ARFGAP3: variants seen among roughly 807,000 people sequenced by gnomAD.
ARFGAP3 encodes ARF GTPase activating protein 3.
A neutral mutation model predicts 75.0 loss-of-function variants in ARFGAP3; 72 were observed. That is an observed-to-expected ratio of 0.96 (90% confidence interval 0.79 to 1.17). The LOEUF is 1.17. ARFGAP3 is among the 50% of genes most tolerant of loss of function. The pLI, the probability that ARFGAP3 is intolerant of heterozygous loss-of-function variation, is 0.00. For missense variants in ARFGAP3, 620 were observed against 626.6 expected, an observed-to-expected ratio of 0.99 and a Z score of 0.11; for synonymous variants, 221 against 217.9, an observed-to-expected ratio of 1.01 and a Z score of -0.13.
Position 42,826,970 on chromosome 22 carries a change from C to CGGAA in ARFGAP3, c.594_595insTTCC (p.Gly199PhefsTer4). The CGGAA allele has an allele frequency of 1.2e-6, 2 of 1,613,528 alleles. No individual in the cohort carries two copies. Among genetic ancestry groups the CGGAA allele is most frequent in the Non-Finnish European group, 1.7e-6 (2 of 1,179,826 alleles). On this transcript the variant is annotated frameshift_variant, in exon 7 of 16. Transcript: ENST00000263245. LOFTEE classifies it high-confidence loss of function. ...GTAGCCTTTGTTGGTACATTAAGAC[C>CGGAA]TTCCACACTTGGTCCTTGCTCTTGT...
chr22:42,824,678 A>C (rs1449247172), intron 7 of ARFGAP3, among the ~76,000 whole-genome samples: 1 of 152,218 alleles, frequency 6.6e-6, no homozygotes, highest in South Asian at 2.1e-4. Flanking sequence ...AAACTTTAAA[A>C]ATCATTATAA....
intron 7 of ARFGAP3, among the ~76,000 whole-genome samples, chr22:42,825,621 G>A (rs1926003998): frequency 6.6e-6 from 1 of 150,992 alleles, no homozygotes; most frequent in Non-Finnish European, 1.5e-5. Flanking sequence ...GGAGGCAGAG[G>A]TTGCAGTGAG....
chr22:42,821,448 T>TTG (rs1347028552), intron 9 of ARFGAP3, among the ~76,000 whole-genome samples: 1 of 152,234 alleles, frequency 6.6e-6, no homozygotes, highest in Non-Finnish European at 1.5e-5. Flanking sequence ...GATTTGCCTA[T>TTG]TCTGGACATT....
chr22:42,849,810 T>C (rs1269942600), intron 1 of ARFGAP3, among the ~76,000 whole-genome samples: 1 of 151,916 alleles, frequency 6.6e-6, no homozygotes, highest in Non-Finnish European at 1.5e-5. Flanking sequence ...ATTTGGGCCC[T>C]CTCGGCCTCC....
chr22:42,806,430 C>T (rs896480911), intron 14 of ARFGAP3, among the ~76,000 whole-genome samples: 7 of 152,238 alleles, frequency 4.6e-5, no homozygotes. Context: ...GACCAGACAC[C>T]TCCTCGCTGG....
rs1304872131 is a variant in ARFGAP3 at position 42,820,786 on chromosome 22, C to T, written c.812+1484G>A. Among the ~76,000 whole-genome samples, 34 of 152,108 alleles carry T rather than the reference C, an allele frequency of 2.2e-4. 1 individual carries two copies. Among genetic ancestry groups the T allele is most frequent in the Admixed American group, 2.2e-3 (34 of 15,268 alleles). On this transcript the variant is annotated intron_variant, in intron 9 of 15. Transcript: ENST00000263245. ...GGTACAGTCACGGTTTCCAGAAGGC[C>T]ATCTTTCTCTTCTGATTTCAACACA...
Position 42,855,830 on chromosome 22 carries a change from G to C in ARFGAP3, c.69+1284C>G, listed in dbSNP as rs140465374. 3.6e-3 allele frequency among the ~76,000 whole-genome samples: 541 copies of C among 151,808 alleles called. 5 individuals are homozygous for C. The highest frequency in any genetic ancestry group is 0.013 in the African/African-American group (528 of 41,378). On this transcript the variant is annotated intron_variant, in intron 1 of 15. Transcript: ENST00000263245. Reference sequence around the variant, plus strand: ...AGCCCAGGAATTTGACACCAGCACGGGCAACATAGCAAGACCCTGTCTCTA... The same window carrying C: ...AGCCCAGGAATTTGACACCAGCACGCGCAACATAGCAAGACCCTGTCTCTA...
At chr22:42,841,615 C>A (rs1227924548) in intron 2 of ARFGAP3, among the ~76,000 whole-genome samples, 2 of 152,146 alleles carry the variant, frequency 1.3e-5, no homozygotes, top group Non-Finnish European at 2.9e-5. Context: ...CTCAACAATG[C>A]ACATTCCCCA....
intron 14 of ARFGAP3, among the ~76,000 whole-genome samples, chr22:42,806,534 G>A (rs1341806635): frequency 8.5e-5 from 13 of 152,344 alleles, no homozygotes; most frequent in South Asian, 2.1e-4. Flanking sequence ...GAAGACAGAT[G>A]CTGTTAGAGC....
intron 3 of ARFGAP3, 52 bp downstream of exon 3, chr22:42,840,892 C>T (rs1926751346): frequency 2.5e-6 from 4 of 1,575,294 alleles, no homozygotes; most frequent in Middle Eastern, 1.7e-4. Flanking sequence ...ACTATTATAG[C>T]ATAACAAATA....
intron 1 of ARFGAP3, among the ~76,000 whole-genome samples, chr22:42,848,100 G>A (rs1056573716): frequency 6.6e-6 from 1 of 152,024 alleles, no homozygotes; most frequent in Non-Finnish European, 1.5e-5. Context: ...CTGACCTCAG[G>A]TGATCTGGCA....
At chr22:42,849,315 T>G (rs1338938970) in intron 1 of ARFGAP3, among the ~76,000 whole-genome samples, 1 of 152,184 alleles carries the variant, frequency 6.6e-6, no homozygotes, top group Non-Finnish European at 1.5e-5. Flanking sequence ...CTTTATGAAA[T>G]GCTGTGCCCT....
At chr22:42,838,601 T>A (rs1490191518) in intron 3 of ARFGAP3, among the ~76,000 whole-genome samples, 1 of 151,798 alleles carries the variant, frequency 6.6e-6, no homozygotes, top group African/African-American at 2.4e-5. Context: ...CTGGCCATAA[T>A]TTTTATTTGA....
At chr22:42,798,818 G>C (rs551274917) in intron 15 of ARFGAP3, among the ~76,000 whole-genome samples, 2 of 152,308 alleles carry the variant, frequency 1.3e-5, no homozygotes, top group South Asian at 4.1e-4. Context: ...CAATGGTCAT[G>C]ACAATTCCTC....
intron 11 of ARFGAP3, among the ~76,000 whole-genome samples, chr22:42,815,372 G>C (rs1393381648): frequency 2.0e-5 from 3 of 150,394 alleles, no homozygotes; most frequent in African/African-American, 4.9e-5. Context: ...AACCACCCAA[G>C]TCTCTGAAAA....
chr22:42,831,486 A>G lies in ARFGAP3; in HGVS notation c.565+63T>C, dbSNP rs773024912. 2.6e-6 allele frequency: 4 copies of G among 1,527,296 alleles called. No individual in the cohort carries two copies. The Admixed American group carries it at 5.4e-5, about 21-fold the overall frequency. 94.6% of individuals were successfully genotyped at this position (1,527,296 alleles called of 1,614,324 possible). ...TGTGCCTGGCCCATCTTAATTTTTA[A>G]TAGTTTCATAGCATGCCACTGAACC... On this transcript the variant is annotated intron_variant, in intron 6 of 15. Coordinates refer to ENST00000263245, the MANE Select transcript of ARFGAP3 (RefSeq NM_014570.5).
intron 4 of ARFGAP3, 119 bp from the exon 5 acceptor site, chr22:42,834,444 T>C (rs1012595181): frequency 1.3e-6 from 2 of 1,486,594 alleles, no homozygotes; most frequent in Non-Finnish European, 1.8e-6. Context: ...TCCATTCTTA[T>C]AAAATCAGTA....
At chr22:42,853,069 ATT>A (rs1569178479) in intron 1 of ARFGAP3, among the ~76,000 whole-genome samples, 1 of 152,104 alleles carries the variant, frequency 6.6e-6, no homozygotes, top group Non-Finnish European at 1.5e-5. Context: ...CGGCCTATTT[ATT>A]TGTTTTTTAA....
intron 12 of ARFGAP3, 46 bp from the exon 13 acceptor site, chr22:42,808,936 A>T: frequency 6.6e-7 from 1 of 1,510,150 alleles, no homozygotes; most frequent in Non-Finnish European, 8.9e-7. Flanking sequence ...TTTGAGGTGA[A>T]GCAAATGTGT....
Sources: gnomAD v4.1 joint callset for allele counts (sites outside exome capture counted in the v4.1 genomes callset) on GRCh38, gnomAD v4.1.1 for gene constraint, MANE v1.5 for transcripts, NCBI Gene and HGNC (gene_info 2026-07-23, HGNC 2026-07-21) for gene names.